Variants in MARVELD3 observed in about 807,000 individuals in gnomAD.
MARVELD3 encodes MARVEL domain-containing protein 3.
MARVELD3 carries 28 observed loss-of-function variants against 33.5 expected under a neutral mutation model. The ratio of observed to expected loss-of-function variants is 0.84; its 90% CI spans 0.62 to 1.15. The LOEUF (loss-of-function observed/expected upper bound fraction) is 1.15. MARVELD3 is among the 50% of genes most tolerant of loss of function. The pLI is 0.00. For missense variants in MARVELD3, 582 were observed against 547.6 expected (o/e 1.06, Z -0.63); for synonymous variants, 241 against 230.4 (o/e 1.05, Z -0.42).
At position 71,629,414 on chromosome 16, in the gene MARVELD3, G is replaced by T; in HGVS notation, c.515G>T (p.Arg172Leu). ...RYLPSTPRPG[R>L]EEVEYYQSEA... The stretch of plus-strand genomic sequence containing the variant: ...CTGCCCTCGACCCCCAGGCCTGGAC[G>T]AGAGGAGGTGGAATATTACCAGTCA... Residue 172 changes from arginine (R) to leucine (L), a missense_variant, in exon 2 of 3, where the codon CGA becomes CTA. By Grantham distance (102) the Arg-to-Leu change is moderately radical. Coordinates refer to ENST00000268485, the MANE Select transcript of MARVELD3 (RefSeq NM_052858.6). 6.3e-7 allele frequency: 1 copy of T among 1,581,352 alleles called. No individual in the cohort carries two copies.
chr16:71,632,989 A>C (rs1007158981), intron 2 of MARVELD3, among the ~76,000 whole-genome samples: 12 of 152,050 alleles, frequency 7.9e-5, no homozygotes, highest in African/African-American at 2.7e-4. Context: ...CTGAATTATT[A>C]TATTGTTTAA....
chr16:71,626,498 G>T lies in MARVELD3; in HGVS notation c.269G>T (p.Arg90Leu), dbSNP rs201434319. The change falls in exon 1 of 3, where the codon CGC becomes CTC. Residue 90 changes from arginine to leucine, a missense_variant. Arg to Leu is a moderately radical substitution (Grantham distance 102, BLOSUM62 -2). Coordinates refer to ENST00000268485, the MANE Select transcript of MARVELD3 (RefSeq NM_052858.6). The surrounding 1 kb of genome is among the most constrained non-coding windows in gnomAD (Gnocchi z 5.3). ...GAAAGAGACCCGGACCGAGGCCCCCGCCGGGACACACACAGGGACGCGGGC... is the reference window on the plus strand; with the variant it reads ...GAAAGAGACCCGGACCGAGGCCCCCTCCGGGACACACACAGGGACGCGGGC... Reference protein sequence around the residue: ...ERERDPDRGPRRDTHRDAGPR... With the variant: ...ERERDPDRGPLRDTHRDAGPR... 4.5e-5 allele frequency: 69 copies of T among 1,549,808 alleles called. No individual in the cohort carries two copies. The Admixed American group carries it at 7.6e-4, about 17-fold the overall frequency.
At chr16:71,639,396 T>A (rs1210640177), downstream of MARVELD3, 1 of 150,154 alleles carries the variant, frequency 6.7e-6, no homozygotes, top group Non-Finnish European at 1.5e-5. Flanking sequence ...TCACTCATCA[T>A]AATTCCCTTG....
chr16:71,634,541 G>T lies in MARVELD3; in HGVS notation c.944G>T (p.Gly315Val), dbSNP rs1046896905. Reference protein sequence around the residue: ...TEGLLDMLIAGGYIPALYFYF... With the variant: ...TEGLLDMLIAVGYIPALYFYF... ...GGCTTGTTGGACATGCTCATCGCGG[G>T]GGGGTACATCCCGGCCTTGTACTTC... The change falls in exon 3 of 3, where the codon GGG (glycine) becomes GTG (valine). Residue 315 changes from glycine (G) to valine (V), a missense_variant. Gly to Val is a moderately radical substitution (Grantham distance 109). Transcript: ENST00000268485. 4 of 1,614,204 alleles carry T rather than the reference G, an allele frequency of 2.5e-6. No individual in the cohort carries two copies. The highest frequency in any genetic ancestry group is 3.4e-6 in the Non-Finnish European group (4 of 1,180,050).
At position 71,626,527 on chromosome 16, in the gene MARVELD3, C is replaced by A. The variant is rs1009481460; in HGVS notation, c.298C>A (p.Arg100Ser). Residue 100 changes from arginine (R) to serine (S), a missense_variant, in exon 1 of 3, where the codon CGC (arginine) becomes AGC (serine). Transcript: ENST00000268485. The surrounding 1 kb of genome is among the most constrained non-coding windows in gnomAD (Gnocchi z 5.3). ...GGACACACACAGGGACGCGGGCCCT[C>A]GCGCAGGTGAACACGGAGTTTGGGA... Reference protein sequence around the residue: ...RRDTHRDAGPRAGEHGVWEKP... With the variant: ...RRDTHRDAGPSAGEHGVWEKP... The A allele has an allele frequency of 1.3e-6, 2 of 1,549,604 alleles. No homozygotes were observed. Among genetic ancestry groups the A allele is most frequent in the African/African-American group, 1.4e-5 (1 of 73,006 alleles).
Position 71,634,350 on chromosome 16 carries a change from C to CG in MARVELD3, c.757dup (p.Glu253GlyfsTer25). On this transcript the variant is annotated frameshift_variant, in exon 3 of 3. Transcript: ENST00000268485. LOFTEE classifies it high-confidence loss of function. ...CTTACAGTGGCTTTGATGGTGCTGA[C>CG]GGGGAGAAGGCCCAGCAACTGGATG... The CG allele has an allele frequency of 6.2e-7, 1 of 1,614,078 alleles. No homozygotes were observed. Among genetic ancestry groups the CG allele is most frequent in the Non-Finnish European group, 8.5e-7 (1 of 1,180,026 alleles).
chr16:71,634,309 T>C lies in MARVELD3; in HGVS notation c.712T>C (p.Tyr238His), dbSNP rs1357054221. The part of the protein sequence containing the change: ...GITSLGGIYY[Y>H]QFGGAYSGFD... ...CACCAGCTTGGGGGGCATTTACTAC[T>C]ATCAGTTCGGAGGGGCTTACAGTGG... Residue 238 changes from tyrosine to histidine, a missense_variant, in exon 3 of 3, where the codon TAT becomes CAT. Transcript: ENST00000268485. 8.1e-6 allele frequency: 13 copies of C among 1,614,094 alleles called. No homozygotes were observed. Among genetic ancestry groups the C allele is most frequent in the African/African-American group, 1.3e-5 (1 of 74,932 alleles).
At chr16:71,633,566 G>C (rs770208022) in intron 2 of MARVELD3, among the ~76,000 whole-genome samples, 1 of 151,840 alleles carries the variant, frequency 6.6e-6, no homozygotes, top group African/African-American at 2.4e-5. Flanking sequence ...GCTAATTTTT[G>C]TATTTTTTAG....
In MARVELD3 at chr16:71,635,579, C is replaced by T. The variant is rs1178691178; in HGVS notation, c.*776C>T. On this transcript the variant is annotated 3_prime_UTR_variant, in exon 3 of 3. Coordinates refer to ENST00000268485, the MANE Select transcript of MARVELD3 (RefSeq NM_052858.6). ...CTATGATTGTCCCACTACACTCTAG[C>T]CTGAGCAACAGACCAAGACCGTATT... is the stretch of plus-strand genomic sequence containing the variant. The T allele has an allele frequency of 6.1e-6, 6 of 983,306 alleles. No individual in the cohort carries two copies. In the African/African-American group the frequency reaches 8.8e-5, roughly 14 times the overall value. The allele number at this position is 983,306 out of a possible 1,614,324, so 60.9% of individuals were successfully genotyped here.
chr16:71,634,136 A>G, intron 2 of MARVELD3, 57 bp from the exon 3 acceptor site: 1 of 1,550,782 alleles, frequency 6.4e-7, no homozygotes, highest in South Asian at 1.2e-5. Flanking sequence ...CTCAGGTGGA[A>G]GAGTCTCCTG....
chr16:71,636,842 C>G (rs111888733), downstream of MARVELD3, among the ~76,000 whole-genome samples: 335 of 152,294 alleles, frequency 2.2e-3, no homozygotes, highest in African/African-American at 7.1e-3. Context: ...CCACCCACCT[C>G]AGCCTCCCAA....
At position 71,626,601 on chromosome 16, in the gene MARVELD3, G is replaced by T. The variant is rs1375482781; in HGVS notation, c.372G>T (p.Trp124Cys). Residue 124 changes from tryptophan (W) to cysteine (C), a missense_variant, in exon 1 of 3, where the codon TGG (tryptophan) becomes TGT (cysteine). Coordinates refer to ENST00000268485, the MANE Select transcript of MARVELD3 (RefSeq NM_052858.6). The surrounding 1 kb of genome is among the most constrained non-coding windows in gnomAD (Gnocchi z 5.3). ...GGGACGGAGCCCGGGGACTGACCTG[G>T]GACGCAGCCGCGCCTCCTGGGCCCG... ...RTRDGARGLT[W>C]DAAAPPGPAP... is the part of the protein sequence containing the mutation. 1.6e-5 allele frequency: 24 copies of T among 1,542,032 alleles called. No individual in the cohort carries two copies. Among genetic ancestry groups the T allele is most frequent in the Non-Finnish European group, 2.1e-5 (24 of 1,146,084 alleles).
In MARVELD3 at chr16:71,636,063, A is replaced by C; in HGVS notation, c.*1260A>C. 1 of 985,428 alleles carries C rather than the reference A, an allele frequency of 1.0e-6. No homozygotes were observed. Among genetic ancestry groups the C allele is most frequent in the South Asian group, 4.7e-5 (1 of 21,286 alleles). 61.0% of individuals were successfully genotyped at this position (985,428 alleles called of 1,614,324 possible). On this transcript the variant is annotated 3_prime_UTR_variant, in exon 3 of 3. Transcript: ENST00000268485. Reference sequence around the variant, plus strand: ...AGACAACTTCATGGGTTCTTACTGCACATTAAATTATGACTTATGGAACAT... The same window carrying C: ...AGACAACTTCATGGGTTCTTACTGCCCATTAAATTATGACTTATGGAACAT...
Position 71,634,542 on chromosome 16 carries a change from G to A in MARVELD3, c.945G>A (p.Gly315=). 2 of 1,614,166 alleles carry A rather than the reference G, an allele frequency of 1.2e-6. No individual in the cohort carries two copies. The highest frequency in any genetic ancestry group is 1.1e-5 in the South Asian group (1 of 91,076). Residue 315 remains glycine, a synonymous_variant, in exon 3 of 3, where the codon GGG becomes GGA. Coordinates refer to ENST00000268485, the MANE Select transcript of MARVELD3 (RefSeq NM_052858.6). ...GCTTGTTGGACATGCTCATCGCGGG[G>A]GGGTACATCCCGGCCTTGTACTTCT... ...TEGLLDMLIA[G]GYIPALYFYF...
rs1191764365 is a variant in MARVELD3, at chr16:71,626,253, C to T, written c.24C>T (p.Arg8=). 3.3e-6 allele frequency: 5 copies of T among 1,513,144 alleles called. No individual in the cohort carries two copies. The highest frequency in any genetic ancestry group is 4.9e-5 in the East Asian group (2 of 40,406). 93.7% of individuals were successfully genotyped at this position (1,513,144 alleles called of 1,614,324 possible). A position where few individuals can be genotyped will look rare whatever the true frequency, so the allele number is the denominator to read the frequency against. The change falls in exon 1 of 3, where the codon CGC becomes CGT. Residue 8 remains arginine (R), a synonymous_variant. Coordinates refer to ENST00000268485, the MANE Select transcript of MARVELD3 (RefSeq NM_052858.6). The surrounding 1 kb of genome is among the most constrained non-coding windows in gnomAD (Gnocchi z 5.3). MEDPSGA[R]EPRARPRERD... is the part of the protein sequence containing the mutation. Reference sequence around the variant, plus strand: ...CCATGGAAGATCCGTCGGGGGCTCGCGAGCCCCGGGCCCGGCCGAGAGAGC... The same window carrying T: ...CCATGGAAGATCCGTCGGGGGCTCGTGAGCCCCGGGCCCGGCCGAGAGAGC...
chr16:71,626,719 G>A lies in MARVELD3; in HGVS notation c.467+23G>A, dbSNP rs903785564. ...AAGGTGAGAGGGGCCGGGGCGCTGC[G>A]ACCTCCGCGCCGGGGACACCTGTGG... On this transcript the variant is annotated intron_variant, in intron 1 of 2. Coordinates refer to ENST00000268485, the MANE Select transcript of MARVELD3 (RefSeq NM_052858.6). This position sits in a 1 kb window ranked among gnomAD's most constrained non-coding sequence, Gnocchi z 5.3. 5 of 1,429,864 alleles carry A rather than the reference G, an allele frequency of 3.5e-6. No individual in the cohort carries two copies. The highest frequency in any genetic ancestry group is 5.3e-5 in the East Asian group (2 of 37,714). 88.6% of individuals were successfully genotyped at this position (1,429,864 alleles called of 1,614,324 possible).
rs938873388 is a variant in MARVELD3, at chr16:71,635,523, C to G, written c.*720C>G. Reference sequence around the variant, plus strand: ...TTGGGAGGCTGAGGTAGGAGGATTGCTTGAACCCAGGAGTTCAAGTTTGCA... The same window carrying G: ...TTGGGAGGCTGAGGTAGGAGGATTGGTTGAACCCAGGAGTTCAAGTTTGCA... On this transcript the variant is annotated 3_prime_UTR_variant, in exon 3 of 3. Coordinates refer to ENST00000268485, the MANE Select transcript of MARVELD3 (RefSeq NM_052858.6). 6.1e-6 allele frequency: 6 copies of G among 984,168 alleles called. No individual in the cohort carries two copies. Among genetic ancestry groups the G allele is most frequent in the Non-Finnish European group, 7.2e-6 (6 of 829,170 alleles). 61.0% of individuals were successfully genotyped at this position (984,168 alleles called of 1,614,324 possible). A position where few individuals can be genotyped will look rare whatever the true frequency, so the allele number is the denominator to read the frequency against.
chr16:71,639,934 A>G (rs960764982), downstream of MARVELD3, among the ~76,000 whole-genome samples: 2 of 152,216 alleles, frequency 1.3e-5, no homozygotes, highest in Non-Finnish European at 2.9e-5. Flanking sequence ...TTTTTCAAAC[A>G]TAGATTGAAA....
downstream of MARVELD3, chr16:71,641,282 G>A (rs962669367): frequency 2.3e-6 from 1 of 434,044 alleles, no homozygotes; most frequent in Non-Finnish European, 4.1e-6. Context: ...GCGAAACCCT[G>A]TCTCTACTAA....
Sources: allele counts gnomAD v4.1 joint callset (sites outside exome capture counted in the v4.1 genomes callset), GRCh38; gene constraint gnomAD v4.1.1; non-coding constraint Gnocchi (gnomAD v3.1); transcripts MANE v1.5; gene names NCBI Gene and HGNC (gene_info 2026-07-23, HGNC 2026-07-21).